HADHB: variants seen among roughly 807,000 people sequenced by gnomAD.
HADHB encodes the protein hydroxyacyl-CoA dehydrogenase trifunctional multienzyme complex subunit beta, also known as trifunctional enzyme subunit beta, mitochondrial.
A neutral mutation model predicts 61.9 loss-of-function variants in HADHB; 50 were observed. The observed-to-expected ratio is 0.81, with a 90% CI of 0.64 to 1.02. The LOEUF (loss-of-function observed/expected upper bound fraction) is 1.02. Ranked by LOEUF, HADHB falls within the 50% of genes least tolerant of loss-of-function variation. HADHB has a pLI of 0.00. For missense variants in HADHB, 504 were observed against 586.5 expected, an observed-to-expected ratio of 0.86 and a Z score of 1.45; for synonymous variants, 191 against 201.6, an observed-to-expected ratio of 0.95 and a Z score of 0.45.
intron 5 of HADHB, among the ~76,000 whole-genome samples, chr2:26,270,520 C>CTTTTTTT (rs1672293558): frequency 6.6e-6 from 1 of 152,096 alleles, no homozygotes; most frequent in Non-Finnish European, 1.5e-5. Context: ...TTGGAGAAAC[C>CTTTTTTT]CTTCAGTTGA....
chr2:26,283,019 G>A lies in HADHB; in HGVS notation c.1029G>A (p.Val343=). The A allele has an allele frequency of 6.2e-7, 1 of 1,609,328 alleles. No individual in the cohort carries two copies. Among genetic ancestry groups the A allele is most frequent in the South Asian group, 1.1e-5 (1 of 90,994 alleles). ...TTTTACCTAGGGATTTTATGTATGTGTCTCAGGATCCAAAAGATCAACTAT... is the reference window on the plus strand; with the variant it reads ...TTTTACCTAGGGATTTTATGTATGTATCTCAGGATCCAAAAGATCAACTAT... ...PKAYLRDFMY[V]SQDPKDQLLL... is the part of the protein sequence containing the mutation. Residue 343 remains valine, a synonymous_variant, in exon 12 of 16, where the codon GTG becomes GTA. Coordinates refer to ENST00000317799, the MANE Select transcript of HADHB (RefSeq NM_000183.3).
intron 10 of HADHB, among the ~76,000 whole-genome samples, chr2:26,280,744 T>C (rs1672752601): frequency 6.6e-6 from 1 of 150,410 alleles, no homozygotes; most frequent in African/African-American, 2.5e-5. Context: ...TCCCGGCTAC[T>C]CGGGAGGCTG....
intron 9 of HADHB, 93 bp from the exon 10 acceptor site, chr2:26,279,899 TCA>T: frequency 1.1e-6 from 1 of 918,996 alleles, no homozygotes; most frequent in Non-Finnish European, 1.8e-6. Context: ...GGTTTATATT[TCA>T]TTTGTTTTTG....
chr2:26,289,269 TA>T (rs903170224), intron 15 of HADHB, among the ~76,000 whole-genome samples: 2 of 151,882 alleles, frequency 1.3e-5, no homozygotes, highest in Non-Finnish European at 2.9e-5. Context: ...ATAAAAAAAA[TA>T]AAAAAAGAAA....
intron 10 of HADHB, 97 bp from the exon 11 acceptor site, chr2:26,282,748 A>G: frequency 2.5e-6 from 2 of 793,292 alleles, no homozygotes; most frequent in Non-Finnish European, 4.4e-6. Flanking sequence ...TATAAGTCTA[A>G]TGAGTTAATA....
chr2:26,284,985 G>A (rs1411345393), intron 14 of HADHB, 28 bp downstream of exon 14: 1 of 1,123,994 alleles, frequency 8.9e-7, no homozygotes, highest in Non-Finnish European at 1.4e-6. Flanking sequence ...AAAAATGCGT[G>A]AATTTTCAAA....
At chr2:26,250,142 T>C (rs1671343472) in intron 1 of HADHB, among the ~76,000 whole-genome samples, 1 of 152,148 alleles carries the variant, frequency 6.6e-6, no homozygotes, top group South Asian at 2.1e-4. Context: ...AGTAGCTGGC[T>C]TACAGGCATG....
intron 6 of HADHB, among the ~76,000 whole-genome samples, chr2:26,276,607 CT>C (rs1373101359): frequency 6.6e-6 from 1 of 152,176 alleles, no homozygotes; most frequent in Non-Finnish European, 1.5e-5. Context: ...TGTTTAATCA[CT>C]TTTGCTTTGC....
intron 10 of HADHB, among the ~76,000 whole-genome samples, chr2:26,281,402 T>G (rs1306117806): frequency 6.6e-6 from 1 of 152,154 alleles, no homozygotes; most frequent in Admixed American, 6.5e-5. Flanking sequence ...CTTGATAGGC[T>G]AGGGGAGTGG....
chr2:26,289,948 AAAT>A lies in HADHB; in HGVS notation c.1425_*2del. On this transcript the variant is annotated stop_lost and inframe_deletion, in exon 16 of 16. Transcript: ENST00000317799. ...TGCTATGATAGTGGAAGCTTATCCA[AAAT>A]AATAGATCCAGAAGAAGTGACCTGA... 1 of 1,606,650 alleles carries A rather than the reference AAAT, an allele frequency of 6.2e-7. No individual in the cohort carries two copies. Among genetic ancestry groups the A allele is most frequent in the Non-Finnish European group, 8.5e-7 (1 of 1,173,252 alleles).
In HADHB at chr2:26,260,844, T is replaced by G; in HGVS notation, c.110-2536T>G. ...TTTCTGCTTCTATCATTCTTCATTC[T>G]GGCTGGCTTATTTGCTCACTTATGG... On this transcript the variant is annotated intron_variant, in intron 3 of 15. Transcript: ENST00000317799. 6.6e-6 allele frequency: 4 copies of G among 604,018 alleles called. No homozygotes were observed. In the South Asian group the frequency reaches 7.9e-5, roughly 12 times the overall value. The allele number at this position is 604,018 out of a possible 1,614,324, so 37.4% of individuals were successfully genotyped here.
chr2:26,246,406 G>A (rs1330111414), intron 1 of HADHB, among the ~76,000 whole-genome samples: 1 of 151,034 alleles, frequency 6.6e-6, no homozygotes, highest in Non-Finnish European at 1.5e-5. Flanking sequence ...GCAGTGGCGC[G>A]ATCTTGGCTC....
chr2:26,248,514 A>C (rs1049755445), intron 1 of HADHB, among the ~76,000 whole-genome samples: 1 of 152,164 alleles, frequency 6.6e-6, no homozygotes, highest in Admixed American at 6.5e-5. Context: ...TACATTTTGA[A>C]TATTTCTATA....
At position 26,273,684 on chromosome 2, in the gene HADHB, AG is replaced by A. The variant is rs750814506; in HGVS notation, c.289del (p.Val97Ter). 1 of 1,608,132 alleles carries A rather than the reference AG, an allele frequency of 6.2e-7. No individual in the cohort carries two copies. On this transcript the variant is annotated frameshift_variant, in exon 6 of 16. Transcript: ENST00000317799. LOFTEE classifies it high-confidence loss of function. Reference sequence around the variant, plus strand: ...TGCATCGGACCAGTGTCCCTAAGGAAGTAGTTGATTATATCATCTTTGGTAC... The same window carrying A: ...TGCATCGGACCAGTGTCCCTAAGGAATAGTTGATTATATCATCTTTGGTAC... ...LLHRTSVPKE[V>X]VDYIIFGTVI...
At chr2:26,267,173 T>TAAAC (rs1224253378) in intron 4 of HADHB, among the ~76,000 whole-genome samples, 1 of 152,144 alleles carries the variant, frequency 6.6e-6, no homozygotes. Flanking sequence ...TTTTGATCTT[T>TAAAC]AAACAAACAA....
chr2:26,245,042 T>A (rs1671067255), intron 1 of HADHB, 52 bp downstream of exon 1: 1 of 213,896 alleles, frequency 4.7e-6, no homozygotes, highest in African/African-American at 2.3e-5. Flanking sequence ...AAGGCGAGAT[T>A]CCACTTCCTT....
intron 7 of HADHB, among the ~76,000 whole-genome samples, chr2:26,278,231 G>A (rs76858266): frequency 0.023 from 3,443 of 152,338 alleles, 120 homozygotes; most frequent in African/African-American, 0.077. Context: ...CGTTTCAACA[G>A]CTGTAATTTC....
At chr2:26,250,335 A>G (rs1041561849) in intron 1 of HADHB, among the ~76,000 whole-genome samples, 59 of 152,112 alleles carry the variant, frequency 3.9e-4, no homozygotes, top group African/African-American at 1.3e-3. Context: ...CAAGTTCTTT[A>G]TGGATTATGG....
rs557241139 is a variant in HADHB at position 26,278,479 on chromosome 2, A to G, written c.443-135A>G. 43 of 769,910 alleles carry G rather than the reference A, an allele frequency of 5.6e-5. No homozygotes were observed. In the East Asian group the frequency reaches 8.7e-4, roughly 16 times the overall value. The allele number at this position is 769,910 out of a possible 1,614,324, so 47.7% of individuals were successfully genotyped here. The stretch of plus-strand genomic sequence containing the variant: ...AGAAAATTACCTTAATTCTTCTGAA[A>G]AGTTGAAAACTTTAATTACAGATGT... On this transcript the variant is annotated intron_variant, in intron 7 of 15. Coordinates refer to ENST00000317799, the MANE Select transcript of HADHB (RefSeq NM_000183.3).
Sources: allele counts gnomAD v4.1 joint callset (sites outside exome capture counted in the v4.1 genomes callset), GRCh38; gene constraint gnomAD v4.1.1; transcripts MANE v1.5; gene names NCBI Gene and HGNC (gene_info 2026-07-23, HGNC 2026-07-21).